Variants in TIAM1 observed in about 807,000 individuals in gnomAD.
TIAM1 encodes rho guanine nucleotide exchange factor TIAM1.
A neutral mutation model predicts 163.5 loss-of-function variants in TIAM1; 65 were observed. The ratio of observed to expected loss-of-function variants is 0.40; its 90% confidence interval spans 0.33 to 0.49. The LOEUF is 0.49. Ranked by LOEUF, TIAM1 falls within the 20% of genes least tolerant of loss-of-function variation. The probability of loss-of-function intolerance (pLI) is 0.77; values close to 1 mark genes in which losing one functional copy is unlikely to be tolerated. For synonymous variants in TIAM1, 833 were observed against 810.1 expected (o/e 1.03, Z -0.48); for missense variants, 1,789 against 2,044.7 (o/e 0.87, Z 2.41).
rs545993128 is a variant in TIAM1, at chr21:31,141,774, C to T, written c.3476-270G>A. Among the ~76,000 whole-genome samples the T allele has an allele frequency of 1.5e-4, 23 of 152,186 alleles. No individual in the cohort carries two copies. Among genetic ancestry groups the T allele is most frequent in the Non-Finnish European group, 3.4e-4 (23 of 67,990 alleles). ...AGACTGCAGACACCCGGATTTCCAG[C>T]GGCTGCTCTTTATCCTCCTCCTATT... is the stretch of plus-strand genomic sequence containing the variant. On this transcript the variant is annotated intron_variant, in intron 20 of 27. Transcript: ENST00000541036. The surrounding 1 kb of genome is among the most constrained non-coding windows in gnomAD (Gnocchi z 4.7).
intron 12 of TIAM1, among the ~76,000 whole-genome samples, chr21:31,196,297 GCTTTT>G (rs776324053): frequency 4.2e-4 from 63 of 151,138 alleles, no homozygotes; most frequent in Non-Finnish European, 8.0e-4. Flanking sequence ...AGAAGGGAAT[GCTTTT>G]CTTTTCTTTT....
intron 1 of TIAM1, among the ~76,000 whole-genome samples, chr21:31,523,752 C>T (rs1351412271): frequency 6.6e-6 from 1 of 151,964 alleles, no homozygotes; most frequent in Admixed American, 6.6e-5. Context: ...GGTGAAACCC[C>T]ATCTCTACTA....
chr21:31,257,648 G>A (rs1418320561), intron 4 of TIAM1, among the ~76,000 whole-genome samples: 2 of 151,768 alleles, frequency 1.3e-5, no homozygotes, highest in African/African-American at 4.9e-5. Flanking sequence ...ACCACTGCCA[G>A]GTAAATGTTC....
chr21:31,467,735 A>T (rs1355331956), intron 1 of TIAM1, among the ~76,000 whole-genome samples: 1 of 152,068 alleles, frequency 6.6e-6, no homozygotes, highest in Non-Finnish European at 1.5e-5. Context: ...ATGTGGGAGG[A>T]TTGCTCGAGT....
intron 2 of TIAM1, among the ~76,000 whole-genome samples, chr21:31,427,703 G>A (rs1006593513): frequency 2.0e-5 from 3 of 151,904 alleles, no homozygotes; most frequent in Non-Finnish European, 4.4e-5. Context: ...GTGTGGTGGT[G>A]TGCACCTATA....
rs775925016 is a variant in TIAM1 at position 31,203,022 on chromosome 21, AAAAG to A, written c.2389-14_2389-11del. 3.4e-4 allele frequency: 538 copies of A among 1,593,704 alleles called. No homozygotes were observed. Among genetic ancestry groups the A allele is most frequent in the South Asian group, 4.8e-4 (43 of 89,454 alleles). The stretch of plus-strand genomic sequence containing the variant: ...GATCCAGTTGATGTGTCTGGGACAA[AAAAG>A]AAAGAAAGAAAGAAAATGTCTGTTC... On this transcript the variant is annotated splice_polypyrimidine_tract_variant and intron_variant, in intron 11 of 27. Coordinates refer to ENST00000541036, the MANE Select transcript of TIAM1 (RefSeq NM_001353694.2).
intron 1 of TIAM1, among the ~76,000 whole-genome samples, chr21:31,500,148 G>C (rs778348437): frequency 6.6e-5 from 10 of 152,166 alleles, no homozygotes; most frequent in Non-Finnish European, 1.5e-4. Flanking sequence ...CTGGGTGACA[G>C]AGCGAGACTC....
At chr21:31,411,705 G>C (rs957956526) in intron 2 of TIAM1, among the ~76,000 whole-genome samples, 1 of 152,044 alleles carries the variant, frequency 6.6e-6, no homozygotes, top group African/African-American at 2.4e-5. Context: ...CAAACTCCTG[G>C]CCTCAAGTGA....
At chr21:31,271,433 TC>T (rs2073051910) in intron 3 of TIAM1, among the ~76,000 whole-genome samples, 1 of 152,160 alleles carries the variant, frequency 6.6e-6, no homozygotes, top group African/African-American at 2.4e-5. Flanking sequence ...AGCTCTCTGC[TC>T]TCTGGGTCCC....
At chr21:31,499,399 A>G (rs978239133) in intron 1 of TIAM1, among the ~76,000 whole-genome samples, 1 of 152,038 alleles carries the variant, frequency 6.6e-6, no homozygotes, top group African/African-American at 2.4e-5. Flanking sequence ...ATCTCTATAA[A>G]AAATACCAAA....
rs565109407 is a variant in TIAM1 at position 31,218,175 on chromosome 21, C to T, written c.1996-476G>A. On this transcript the variant is annotated intron_variant, in intron 8 of 27. Coordinates refer to ENST00000541036, the MANE Select transcript of TIAM1 (RefSeq NM_001353694.2). Reference sequence around the variant, plus strand: ...TTAAATCTAAAATTACCAATCTCTACTATTTTGTTTTCTTAGGATATATAA... The same window carrying T: ...TTAAATCTAAAATTACCAATCTCTATTATTTTGTTTTCTTAGGATATATAA... Among the ~76,000 whole-genome samples, 297 of 152,264 alleles carry T rather than the reference C, an allele frequency of 2.0e-3. 1 individual carries two copies. The highest frequency in any genetic ancestry group is 6.7e-3 in the African/African-American group (277 of 41,542).
chr21:31,190,960 A>C (rs1379315129), intron 13 of TIAM1, among the ~76,000 whole-genome samples: 1 of 152,180 alleles, frequency 6.6e-6, no homozygotes, highest in African/African-American at 2.4e-5. Context: ...CCACTTAGCT[A>C]GGTGTTAATA....
intron 1 of TIAM1, among the ~76,000 whole-genome samples, chr21:31,522,992 ACATTCTCAAT>A (rs2047657802): frequency 6.6e-6 from 1 of 152,252 alleles, no homozygotes; most frequent in Admixed American, 6.5e-5. Context: ...AATTTTTAGC[ACATTCTCAAT>A]CATTCTCAAT....
chr21:31,158,033 T>C (rs2083713663), intron 16 of TIAM1, among the ~76,000 whole-genome samples: 1 of 152,220 alleles, frequency 6.6e-6, no homozygotes, highest in Non-Finnish European at 1.5e-5. Flanking sequence ...TGTTCTACCA[T>C]AAATACTTTG....
chr21:31,503,095 T>C (rs2046899947), intron 1 of TIAM1, among the ~76,000 whole-genome samples: 1 of 152,020 alleles, frequency 6.6e-6, no homozygotes, highest in Admixed American at 6.6e-5. Flanking sequence ...GTGTCTCCCT[T>C]AGGAAAATGG....
At chr21:31,367,024 A>C (rs2076515290) in intron 2 of TIAM1, among the ~76,000 whole-genome samples, 1 of 152,164 alleles carries the variant, frequency 6.6e-6, no homozygotes, top group South Asian at 2.1e-4. Context: ...GAAATGACTC[A>C]TGAGTATTCA....
intron 2 of TIAM1, among the ~76,000 whole-genome samples, chr21:31,317,820 C>T (rs890553637): frequency 1.3e-5 from 2 of 152,110 alleles, no homozygotes; most frequent in South Asian, 2.1e-4. Flanking sequence ...AAAAACCCCA[C>T]CACTGCTTAA....
intron 27 of TIAM1, 33 bp downstream of exon 27, chr21:31,124,489 C>T (rs777094152): frequency 6.8e-6 from 11 of 1,609,724 alleles, no homozygotes; most frequent in South Asian, 5.5e-5. Flanking sequence ...GTGGGGGTGA[C>T]GGGAATCTTG....
chr21:31,327,573 C>T (rs1289967029), intron 2 of TIAM1, among the ~76,000 whole-genome samples: 1 of 132,434 alleles, frequency 7.6e-6, no homozygotes, highest in African/African-American at 3.0e-5. Flanking sequence ...CCAGGAGAGG[C>T]AGAGGTTGCA....
Sources: allele counts gnomAD v4.1 joint callset (sites outside exome capture counted in the v4.1 genomes callset), GRCh38; gene constraint gnomAD v4.1.1; non-coding constraint Gnocchi (gnomAD v3.1); transcripts MANE v1.5; gene names NCBI Gene and HGNC (gene_info 2026-07-23, HGNC 2026-07-21).